Variants in RAB11FIP1 observed in about 807,000 individuals in gnomAD.
The protein encoded by RAB11FIP1 is RAB11 family interacting protein 1, also known as rab11 family-interacting protein 1.
RAB11FIP1 carries 49 observed loss-of-function variants against 83.1 expected under a neutral mutation model. The ratio of observed to expected loss-of-function variants is 0.59; its 90% confidence interval spans 0.47 to 0.75. The LOEUF is 0.75. Among genes scored for constraint, RAB11FIP1 ranks in the 30% least tolerant of loss-of-function variants. The pLI, the probability that RAB11FIP1 is intolerant of heterozygous loss-of-function variation, is 0.00. For missense variants in RAB11FIP1, 1,536 were observed against 1,598.7 expected, an observed-to-expected ratio of 0.96 and a Z score of 0.67; for synonymous variants, 670 against 656.0, an observed-to-expected ratio of 1.02 and a Z score of -0.33.
chr8:37,897,559 G>C (rs1386878972), intron 1 of RAB11FIP1, among the ~76,000 whole-genome samples: 2 of 150,674 alleles, frequency 1.3e-5, no homozygotes, highest in Non-Finnish European at 2.9e-5. Flanking sequence ...CAAATAATTC[G>C]GTAATATCAT....
chr8:37,859,208 A>G lies in RAB11FIP1; in HGVS notation c.*3687T>C, dbSNP rs1283450749. The G allele has an allele frequency of 1.3e-5, 2 of 152,178 alleles. No homozygotes were observed. Among genetic ancestry groups the G allele is most frequent in the Non-Finnish European group, 2.9e-5 (2 of 68,028 alleles). 9.4% of individuals were successfully genotyped at this position (152,178 alleles called of 1,614,324 possible). A position where few individuals can be genotyped will look rare whatever the true frequency, so the allele number is the denominator to read the frequency against. On this transcript the variant is annotated 3_prime_UTR_variant, in exon 6 of 6. Coordinates refer to ENST00000330843, the MANE Select transcript of RAB11FIP1 (RefSeq NM_001002814.3). ...GGAATTAAGTTCTCCACCTAAGGCA[A>G]TTAATTTTTCAGCCTTGAGAGATAA...
At position 37,870,693 on chromosome 8, in the gene RAB11FIP1, C is replaced by A. The variant is rs569052567; in HGVS notation, c.3525-165G>T. ...TCCAATGTCTCAGTTCCTGTGGAAA[C>A]AAAAGCAGTCAGGACAGGGCTGCCA... On this transcript the variant is annotated intron_variant, in intron 4 of 5. Coordinates refer to ENST00000330843, the MANE Select transcript of RAB11FIP1 (RefSeq NM_001002814.3). 6 of 548,378 alleles carry A rather than the reference C, an allele frequency of 1.1e-5. No individual in the cohort carries two copies. The East Asian group carries it at 1.8e-4, about 16-fold the overall frequency. 34.0% of individuals were successfully genotyped at this position (548,378 alleles called of 1,614,324 possible).
Position 37,899,183 on chromosome 8 carries a change from T to TGGC in RAB11FIP1, c.256_258dup (p.Ala86dup). The TGGC allele has an allele frequency of 6.4e-7, 1 of 1,561,582 alleles. No individual in the cohort carries two copies. The highest frequency in any genetic ancestry group is 1.8e-5 in the Admixed American group (1 of 54,094). On this transcript the variant is annotated inframe_insertion, in exon 1 of 6. Transcript: ENST00000330843. This position sits in a 1 kb window ranked among gnomAD's most constrained non-coding sequence, Gnocchi z 4.5. ...CGGTGCAGCACGGTGAGCTGCAGGG[T>TGGC]GGCGGCGGCCGCGGGTCCGGAGGAC...
rs199508323 is a variant in RAB11FIP1 at position 37,871,547 on chromosome 8, C to T, written c.3255G>A (p.Pro1085=). The change falls in exon 4 of 6, where the codon CCG becomes CCA. Residue 1085 remains proline (P), a synonymous_variant. Coordinates refer to ENST00000330843, the MANE Select transcript of RAB11FIP1 (RefSeq NM_001002814.3). ...GATTGTCCAGGGATGTGCCAGGAGG[C>T]GGGCTTGGACTCCCATTTCCCATCG... is the stretch of plus-strand genomic sequence containing the variant. ...EKPMGNGSPS[P]PPGTSLDNPV... 36 of 1,599,882 alleles carry T rather than the reference C, an allele frequency of 2.3e-5. No individual in the cohort carries two copies. In the East Asian group the frequency reaches 3.4e-4, roughly 15 times the overall value.
chr8:37,878,650 C>T (rs1806670929), intron 1 of RAB11FIP1, among the ~76,000 whole-genome samples: 1 of 149,494 alleles, frequency 6.7e-6, no homozygotes, highest in African/African-American at 2.5e-5. Flanking sequence ...AGGAATGGTC[C>T]CTGCCAGGGA....
In RAB11FIP1 at chr8:37,871,345, C is replaced by T. The variant is rs777316777; in HGVS notation, c.3457G>A (p.Val1153Ile). The change falls in exon 4 of 6, where the codon GTC becomes ATC. Residue 1153 changes from valine (V) to isoleucine (I), a missense_variant. Coordinates refer to ENST00000330843, the MANE Select transcript of RAB11FIP1 (RefSeq NM_001002814.3). ...ACTGGATGTGTCTCCGAGGGTGAGACCCAGGCCTGGAGGAGTGGCTTCCTC... is the reference window on the plus strand; with the variant it reads ...ACTGGATGTGTCTCCGAGGGTGAGATCCAGGCCTGGAGGAGTGGCTTCCTC... ...GKRKPLLQAWVSPSETHPVSA... is the reference protein window; with the variant it reads ...GKRKPLLQAWISPSETHPVSA... 6.2e-7 allele frequency: 1 copy of T among 1,614,134 alleles called. No individual in the cohort carries two copies.
chr8:37,862,997 C>T lies in RAB11FIP1; in HGVS notation c.3750G>A (p.Glu1250=). 2 of 1,613,792 alleles carry T rather than the reference C, an allele frequency of 1.2e-6. No individual in the cohort carries two copies. Among genetic ancestry groups the T allele is most frequent in the Non-Finnish European group, 1.7e-6 (2 of 1,179,928 alleles). Residue 1250 remains glutamate (E), a synonymous_variant, in exon 6 of 6, where the codon GAG becomes GAA. Transcript: ENST00000330843. ...GCAGGTTGTCAATGTAGTCTTCCAG[C>T]TCGCGGACCTGGAACTCCTTCTTGC... is the stretch of plus-strand genomic sequence containing the variant. ...TISKKEFQVR[E]LEDYIDNLLV... is the part of the protein sequence containing the mutation.
In RAB11FIP1 at chr8:37,871,695, TG is replaced by T; in HGVS notation, c.3106del (p.Gln1036ArgfsTer4). 1 of 1,613,832 alleles carries T rather than the reference TG, an allele frequency of 6.2e-7. No individual in the cohort carries two copies. The highest frequency in any genetic ancestry group is 8.5e-7 in the Non-Finnish European group (1 of 1,180,032). On this transcript the variant is annotated frameshift_variant, in exon 4 of 6. Transcript: ENST00000330843. LOFTEE classifies it high-confidence loss of function. ...CTCTGAAGGAGCTGTCACAGATGCC[TG>T]GGGTGCTTGCAGCCTGAAATCACAC... ...GLCDFRLQAPQASVTAPSEQT... is the reference protein window; with the variant it reads ...GLCDFRLQAPXASVTAPSEQT...
rs779362102 is a variant in RAB11FIP1, at chr8:37,878,884, A to G, written c.372-1333T>C. On this transcript the variant is annotated intron_variant, in intron 1 of 5. Coordinates refer to ENST00000330843, the MANE Select transcript of RAB11FIP1 (RefSeq NM_001002814.3). ...CATGGTGGTGTGCGCCTATACTCTC[A>G]GCTACTCAACATGAGCCTAGGAATT... 5.3e-5 allele frequency among the ~76,000 whole-genome samples: 8 copies of G among 152,102 alleles called. No individual in the cohort carries two copies. In the South Asian group the frequency reaches 1.2e-3, roughly 24 times the overall value.
At position 37,872,396 on chromosome 8, in the gene RAB11FIP1, C is replaced by G; in HGVS notation, c.2406G>C (p.Gln802His). The change falls in exon 4 of 6, where the codon CAG becomes CAC. Residue 802 changes from glutamine to histidine, a missense_variant. By Grantham distance (24) the Gln-to-His change is conservative. Coordinates refer to ENST00000330843, the MANE Select transcript of RAB11FIP1 (RefSeq NM_001002814.3). ...ATGACACACGCTTCTTGGTTTTCTT[C>G]TGGTCCTTGCGGAGGTTCAGACCCA... The part of the protein sequence containing the change: ...EEMGLNLRKD[Q>H]KKTKKRVSFS... 1 of 1,614,230 alleles carries G rather than the reference C, an allele frequency of 6.2e-7. No homozygotes were observed. Among genetic ancestry groups the G allele is most frequent in the South Asian group, 1.1e-5 (1 of 91,086 alleles).
rs1299639744 is a variant in RAB11FIP1, at chr8:37,872,685, A to C, written c.2117T>G (p.Leu706Arg). 6.2e-7 allele frequency: 1 copy of C among 1,614,086 alleles called. No individual in the cohort carries two copies. The highest frequency in any genetic ancestry group is 8.5e-7 in the Non-Finnish European group (1 of 1,180,036). The change falls in exon 4 of 6, where the codon CTT (leucine) becomes CGT (arginine). Residue 706 changes from leucine (L) to arginine (R), a missense_variant. Transcript: ENST00000330843. ...TTGTTTTTTGCAGGGGAATCTCGGA[A>C]GTTCTTCCTCTTGTCGCCCTGTTTC... The part of the protein sequence containing the change: ...QPETGRQEEE[L>R]PRFPCKKQDY...
In RAB11FIP1 at chr8:37,870,517, A is replaced by G. The variant is rs145967953; in HGVS notation, c.3536T>C (p.Val1179Ala). 1.1e-3 allele frequency: 1,681 copies of G among 1,577,256 alleles called. 3 individuals are homozygous for G. The highest frequency in any genetic ancestry group is 1.4e-3 in the Non-Finnish European group (1,642 of 1,147,562). The part of the protein sequence containing the change: ...TGSAKHRLHP[V>A]KPMNAMATKV... ...GGTGGCCATTGCATTCATTGGCTTC[A>G]CAGGATGAAGTCTAAAGAGAAGGGG... Residue 1179 changes from valine (V) to alanine (A), a missense_variant, in exon 5 of 6, where the codon GTG becomes GCG. Physicochemically the swap from Val to Ala is moderately conservative, Grantham distance 64 (BLOSUM62 0). Transcript: ENST00000330843.
chr8:37,872,264 T>G lies in RAB11FIP1; in HGVS notation c.2538A>C (p.Gly846=). 7 of 1,613,982 alleles carry G rather than the reference T, an allele frequency of 4.3e-6. No individual in the cohort carries two copies. The highest frequency in any genetic ancestry group is 5.9e-6 in the Non-Finnish European group (7 of 1,179,914). ...QELNPAWSVA[G]NASDGEPPES... is the part of the protein sequence containing the mutation. ...CAGGAGGCTCTCCGTCAGACGCGTT[T>G]CCAGCAACAGACCATGCAGGGTTCA... Residue 846 remains glycine (G), a synonymous_variant, in exon 4 of 6, where the codon GGA becomes GGC. Coordinates refer to ENST00000330843, the MANE Select transcript of RAB11FIP1 (RefSeq NM_001002814.3).
chr8:37,871,324 G>T lies in RAB11FIP1; in HGVS notation c.3478C>A (p.Pro1160Thr), dbSNP rs766245565. 4 of 1,613,668 alleles carry T rather than the reference G, an allele frequency of 2.5e-6. No homozygotes were observed. In the African/African-American group the frequency reaches 5.3e-5, roughly 22 times the overall value. ...CCAGCGCCTGGCTGAGCTGAGACTG[G>T]ATGTGTCTCCGAGGGTGAGACCCAG... ...QAWVSPSETH[P>T]VSAQPGAGTG... Residue 1160 changes from proline (P) to threonine (T), a missense_variant, in exon 4 of 6, where the codon CCA (proline) becomes ACA (threonine). Physicochemically the swap from Pro to Thr is conservative, Grantham distance 38. Transcript: ENST00000330843.
In RAB11FIP1 at chr8:37,863,085, G is replaced by A. The variant is rs761055423; in HGVS notation, c.3662C>T (p.Ala1221Val). 3 of 1,612,480 alleles carry A rather than the reference G, an allele frequency of 1.9e-6. No homozygotes were observed. The highest frequency in any genetic ancestry group is 2.5e-6 in the Non-Finnish European group (3 of 1,179,992). Residue 1221 changes from alanine to valine, a missense_variant, in exon 6 of 6, where the codon GCA (alanine) becomes GTA (valine). Ala to Val is a moderately conservative substitution (Grantham distance 64, BLOSUM62 0). Transcript: ENST00000330843. ...KKYSPSDPAF[A>V]YAQLTHDELI... ...CTCATCGTGGGTCAGCTGCGCATAT[G>A]CAAATGCAGGGTCCGAGGGGCTGTA...
intron 1 of RAB11FIP1, 115 bp from the exon 2 acceptor site, chr8:37,877,666 A>C: frequency 1.6e-6 from 1 of 613,454 alleles, no homozygotes; most frequent in South Asian, 1.9e-5. Context: ...CAATGCATGC[A>C]TTCTCATGCT....
chr8:37,875,844 T>C (rs1043987093), intron 2 of RAB11FIP1, among the ~76,000 whole-genome samples: 15 of 152,132 alleles, frequency 9.9e-5, no homozygotes, highest in African/African-American at 3.4e-4. Flanking sequence ...AGACACTCAT[T>C]CTGTTAGCTC....
chr8:37,893,524 C>A lies in RAB11FIP1; in HGVS notation c.371+5547G>T, dbSNP rs926593113. Among the ~76,000 whole-genome samples, 3 of 152,110 alleles carry A rather than the reference C, an allele frequency of 2.0e-5. No individual in the cohort carries two copies. In the East Asian group the frequency reaches 5.8e-4, roughly 29 times the overall value. The stretch of plus-strand genomic sequence containing the variant: ...TGAGGCTGAGCAAGGTGGCGCACAC[C>A]TGTAATCCCAGCACTTCAGGAGGCT... On this transcript the variant is annotated intron_variant, in intron 1 of 5. Transcript: ENST00000330843.
At position 37,863,103 on chromosome 8, in the gene RAB11FIP1, G is replaced by C. The variant is rs367553328; in HGVS notation, c.3644C>G (p.Pro1215Arg). ...CGCATATGCAAATGCAGGGTCCGAG[G>C]GGCTGTATTTCTTTGGAGGGGGGGA... is the stretch of plus-strand genomic sequence containing the variant. Reference protein sequence around the residue: ...NNEVMMKKYSPSDPAFAYAQL... With the variant: ...NNEVMMKKYSRSDPAFAYAQL... The change falls in exon 6 of 6, where the codon CCC (proline) becomes CGC (arginine). Residue 1215 changes from proline to arginine, a missense_variant. Transcript: ENST00000330843. The C allele has an allele frequency of 6.2e-7, 1 of 1,611,724 alleles. No homozygotes were observed. Among genetic ancestry groups the C allele is most frequent in the South Asian group, 1.1e-5 (1 of 90,968 alleles).
Sources: allele counts gnomAD v4.1 joint callset (sites outside exome capture counted in the v4.1 genomes callset), GRCh38; gene constraint gnomAD v4.1.1; non-coding constraint Gnocchi (gnomAD v3.1); transcripts MANE v1.5; gene names NCBI Gene and HGNC (gene_info 2026-07-23, HGNC 2026-07-21).